The following ZCCHC7 variants were observed in gnomAD, a reference collection of about 807,000 sequenced individuals.
ZCCHC7 encodes zinc finger CCHC-type containing 7.
In ZCCHC7, 35 loss-of-function variants were observed where a neutral mutation model predicts 52.0. The observed-to-expected ratio is 0.67, with a 90% CI of 0.51 to 0.89. The LOEUF (loss-of-function observed/expected upper bound fraction) is 0.89, where lower values mean the gene tolerates loss of function less well. Ranked by LOEUF, ZCCHC7 falls within the 40% of genes least tolerant of loss-of-function variation. The pLI, the probability that ZCCHC7 is intolerant of heterozygous loss-of-function variation, is 0.00. For synonymous variants in ZCCHC7, 217 were observed against 221.5 expected, an observed-to-expected ratio of 0.98 and a Z score of 0.18; for missense variants, 574 against 649.1, an observed-to-expected ratio of 0.88 and a Z score of 1.26.
chr9:37,242,336 G>A (rs1825908169), intron 2 of ZCCHC7, among the ~76,000 whole-genome samples: 1 of 151,764 alleles, frequency 6.6e-6, no homozygotes, highest in African/African-American at 2.4e-5. Context: ...TAAGGTAAAT[G>A]GAAATGTATG....
chr9:37,251,973 C>T (rs2133398498), intron 2 of ZCCHC7, among the ~76,000 whole-genome samples: 1 of 152,140 alleles, frequency 6.6e-6, no homozygotes, highest in South Asian at 2.1e-4. Context: ...TTTGTTCTTT[C>T]CCTGCCTTTT....
chr9:37,150,003 A>G (rs1024394090), intron 2 of ZCCHC7, among the ~76,000 whole-genome samples: 30 of 152,220 alleles, frequency 2.0e-4, no homozygotes, highest in African/African-American at 7.2e-4. Flanking sequence ...ACAGCCTTTA[A>G]TGGCAGTTTT....
intron 2 of ZCCHC7, among the ~76,000 whole-genome samples, chr9:37,151,301 A>G (rs1387097110): frequency 2.6e-5 from 4 of 152,146 alleles, no homozygotes; most frequent in Non-Finnish European, 5.9e-5. Context: ...TGAAGTCAGA[A>G]AGAAATTGCT....
At chr9:37,258,623 C>T (rs541371870) in intron 2 of ZCCHC7, among the ~76,000 whole-genome samples, 7 of 151,478 alleles carry the variant, frequency 4.6e-5, no homozygotes, top group Non-Finnish European at 1.0e-4. Context: ...TGGCACATGC[C>T]GGTAGTCCCA....
At chr9:37,247,261 C>T (rs1232512031) in intron 2 of ZCCHC7, among the ~76,000 whole-genome samples, 1 of 152,090 alleles carries the variant, frequency 6.6e-6, no homozygotes, top group East Asian at 1.9e-4. Flanking sequence ...ATTTTTATTG[C>T]TGTTTCCAGT....
intron 7 of ZCCHC7, 53 bp downstream of exon 7, chr9:37,349,505 T>G: frequency 6.6e-7 from 1 of 1,522,268 alleles, no homozygotes; most frequent in Admixed American, 1.8e-5. Context: ...GGGAGTGTTT[T>G]CTGAAAGATG....
At chr9:37,234,050 C>T (rs1452637826) in intron 2 of ZCCHC7, among the ~76,000 whole-genome samples, 1 of 150,998 alleles carries the variant, frequency 6.6e-6, no homozygotes, top group African/African-American at 2.5e-5. Context: ...GACAGGGTTT[C>T]ACTATGTTGG....
intron 2 of ZCCHC7, 28 bp downstream of exon 2, chr9:37,126,970 G>C (rs376463311): frequency 1.4e-5 from 23 of 1,603,918 alleles, no homozygotes; most frequent in Non-Finnish European, 1.8e-5. Flanking sequence ...CATTTTGAAA[G>C]TAGTATCATC....
At position 37,233,956 on chromosome 9, in the gene ZCCHC7, C is replaced by T. The variant is rs537035724; in HGVS notation, c.611-68232C>T. On this transcript the variant is annotated intron_variant, in intron 2 of 8. Transcript: ENST00000336755. ...GCAACTTACACCTCATGGGATCAAG[C>T]GATTCTCCTGCCGCAGCCTCCTGAG... Among the ~76,000 whole-genome samples, 8 of 152,210 alleles carry T rather than the reference C, an allele frequency of 5.3e-5. No individual in the cohort carries two copies. The East Asian group carries it at 1.2e-3, about 22-fold the overall frequency.
At chr9:37,258,715 C>T (rs183624382) in intron 2 of ZCCHC7, among the ~76,000 whole-genome samples, 98 of 135,856 alleles carry the variant, frequency 7.2e-4, no homozygotes, top group African/African-American at 2.8e-3. Context: ...TTGTTCGTGC[C>T]ACTGCACTTT....
chr9:37,180,875 CTAAT>C (rs1040494652), intron 2 of ZCCHC7, among the ~76,000 whole-genome samples: 45 of 152,166 alleles, frequency 3.0e-4, no homozygotes, highest in African/African-American at 8.9e-4. Context: ...TATTTAATCT[CTAAT>C]TAGTAGATTT....
intron 5 of ZCCHC7, among the ~76,000 whole-genome samples, chr9:37,312,595 T>C (rs942915605): frequency 6.6e-6 from 1 of 152,230 alleles, no homozygotes; most frequent in Admixed American, 6.5e-5. Flanking sequence ...TATTTTGACA[T>C]GATTATAGAT....
At chr9:37,130,364 T>TTTTTA (rs1554698142) in intron 2 of ZCCHC7, among the ~76,000 whole-genome samples, 1 of 131,736 alleles carries the variant, frequency 7.6e-6, no homozygotes, top group Non-Finnish European at 1.6e-5. Context: ...TTTTTTTTTT[T>TTTTTA]ATAGCAGTGG....
chr9:37,335,376 G>A (rs1231890764), intron 6 of ZCCHC7, among the ~76,000 whole-genome samples: 3 of 152,122 alleles, frequency 2.0e-5, no homozygotes, highest in Non-Finnish European at 2.9e-5. Flanking sequence ...GGATTGGACT[G>A]TGGTTCAGAG....
intron 2 of ZCCHC7, among the ~76,000 whole-genome samples, chr9:37,144,381 A>G (rs1218098493): frequency 6.6e-6 from 1 of 151,960 alleles, no homozygotes; most frequent in Non-Finnish European, 1.5e-5. Context: ...AACTGCTTTC[A>G]GGCAGATTTA....
Position 37,125,497 on chromosome 9 carries a change from C to T in ZCCHC7, c.-21-815C>T, listed in dbSNP as rs573099267. The stretch of plus-strand genomic sequence containing the variant: ...TTCTTTTGGCCAATGATCAGAGGGC[C>T]GTGCGATTAATTTGTTAATTGAGAA... On this transcript the variant is annotated intron_variant, in intron 1 of 8. Transcript: ENST00000336755. 4.2e-4 allele frequency among the ~76,000 whole-genome samples: 64 copies of T among 152,240 alleles called. 1 individual carries two copies. In the South Asian group the frequency reaches 0.013, roughly 31 times the overall value.
intron 2 of ZCCHC7, among the ~76,000 whole-genome samples, chr9:37,280,431 G>A (rs900451481): frequency 1.3e-5 from 2 of 152,038 alleles, no homozygotes; most frequent in African/African-American, 4.8e-5. Context: ...AATAATTATA[G>A]AATATGCATT....
In ZCCHC7 at chr9:37,357,111, C is replaced by CTAAG. The variant is rs1396487053; in HGVS notation, c.1476_1479dup (p.Pro494Ter). Reference sequence around the variant, plus strand: ...GGCAGTTTTAAAACCCAGAAGCCTTCTAAGCCCTTTCACCGTTCATCACAT... The same window carrying CTAAG: ...GGCAGTTTTAAAACCCAGAAGCCTTCTAAGTAAGCCCTTTCACCGTTCATCACAT... On this transcript the variant is annotated frameshift_variant, in exon 9 of 9. Transcript: ENST00000336755. LOFTEE classifies it low-confidence loss of function (END_TRUNC). 2.5e-6 allele frequency: 4 copies of CTAAG among 1,613,676 alleles called. No homozygotes were observed. In the Admixed American group the frequency reaches 6.7e-5, roughly 27 times the overall value.
intron 2 of ZCCHC7, among the ~76,000 whole-genome samples, 185 bp from the exon 3 acceptor site, chr9:37,301,999 CAGAG>C (rs1829049724): frequency 1.3e-5 from 2 of 152,146 alleles, no homozygotes; most frequent in African/African-American, 4.8e-5. Context: ...AACTGAGACT[CAGAG>C]AGGTTAAGTA....
Sources: gnomAD v4.1 joint callset for allele counts (sites outside exome capture counted in the v4.1 genomes callset) on GRCh38, gnomAD v4.1.1 for gene constraint, MANE v1.5 for transcripts, NCBI Gene and HGNC (gene_info 2026-07-23, HGNC 2026-07-21) for gene names.